Variants in ALK observed in about 807,000 individuals in gnomAD.
ALK encodes ALK tyrosine kinase receptor.
A neutral mutation model predicts 163.1 loss-of-function variants in ALK; 74 were observed. That is an observed-to-expected ratio of 0.45 (90% CI 0.38 to 0.55). The LOEUF (loss-of-function observed/expected upper bound fraction) is 0.55. Among genes scored for constraint, ALK ranks in the 20% least tolerant of loss-of-function variants. ALK has a pLI of 0.00. For missense variants in ALK, 2,063 were observed against 2,105.3 expected (o/e 0.98, Z 0.39); for synonymous variants, 960 against 843.2 (o/e 1.14, Z -2.40).
chr2:29,663,238 T>A (rs1270599803), intron 3 of ALK, among the ~76,000 whole-genome samples: 1 of 152,206 alleles, frequency 6.6e-6, no homozygotes, highest in Non-Finnish European at 1.5e-5. Flanking sequence ...AATGACCTAG[T>A]AATTATGTCT....
chr2:29,540,579 TG>T (rs1426370684), intron 3 of ALK, among the ~76,000 whole-genome samples: 18 of 106,502 alleles, frequency 1.7e-4, no homozygotes, highest in African/African-American at 7.1e-4. Context: ...AGAAGAATTA[TG>T]TTTTTTTTTT....
intron 3 of ALK, 90 bp downstream of exon 3, chr2:29,694,760 C>A (rs534490589): frequency 3.3e-6 from 5 of 1,518,142 alleles, no homozygotes; most frequent in East Asian, 4.5e-5. Flanking sequence ...CAGAGCAGAA[C>A]AGGAGTGAAG....
intron 1 of ALK, among the ~76,000 whole-genome samples, chr2:29,740,081 T>C (rs1680010721): frequency 6.6e-6 from 1 of 152,086 alleles, no homozygotes; most frequent in Non-Finnish European, 1.5e-5. Flanking sequence ...CATTCCCTAG[T>C]TTAGTAGAAC....
chr2:29,578,440 C>T (rs925411653), intron 3 of ALK, among the ~76,000 whole-genome samples: 5 of 152,210 alleles, frequency 3.3e-5, no homozygotes, highest in Non-Finnish European at 7.3e-5. Context: ...GTCTGGACAC[C>T]TGACTCCAGG....
At chr2:29,885,197 T>C (rs1311189818) in intron 1 of ALK, among the ~76,000 whole-genome samples, 1 of 152,186 alleles carries the variant, frequency 6.6e-6, no homozygotes, top group African/African-American at 2.4e-5. Context: ...ATAATGCCCC[T>C]TGTTGCCCAG....
intron 4 of ALK, 45 bp from the exon 5 acceptor site, chr2:29,383,904 T>C (rs375441392): frequency 6.2e-7 from 1 of 1,613,004 alleles, no homozygotes; most frequent in Non-Finnish European, 8.5e-7. Flanking sequence ...GAGAAACAGA[T>C]ATGAGAATTA....
chr2:29,435,192 A>T lies in ALK; in HGVS notation c.1155-51333T>A, dbSNP rs145077740. Reference sequence around the variant, plus strand: ...ACGAAGGAAGCAAAGAGTCTCTACTACTTGTCATTCATTCATTAAACAAAA... The same window carrying T: ...ACGAAGGAAGCAAAGAGTCTCTACTTCTTGTCATTCATTCATTAAACAAAA... On this transcript the variant is annotated intron_variant, in intron 4 of 28. Transcript: ENST00000389048. 3.7e-3 allele frequency among the ~76,000 whole-genome samples: 568 copies of T among 152,260 alleles called. 3 individuals are homozygous for T. Among genetic ancestry groups the T allele is most frequent in the African/African-American group, 0.013 (540 of 41,552 alleles).
At position 29,379,172 on chromosome 2, in the gene ALK, A is replaced by G. The variant is rs568701171; in HGVS notation, c.1282+4560T>C. 9.9e-5 allele frequency among the ~76,000 whole-genome samples: 15 copies of G among 152,234 alleles called. No individual in the cohort carries two copies. In the East Asian group the frequency reaches 2.9e-3, roughly 30 times the overall value. ...AAGAAAGGTTTTTGTGAATGGGCTA[A>G]GGGTTCCCTGGGAGCCCAGGCATGG... On this transcript the variant is annotated intron_variant, in intron 5 of 28. Coordinates refer to ENST00000389048, the MANE Select transcript of ALK (RefSeq NM_004304.5).
chr2:29,733,044 CA>C (rs1259305146), intron 1 of ALK, among the ~76,000 whole-genome samples: 3 of 152,028 alleles, frequency 2.0e-5, no homozygotes, highest in African/African-American at 7.2e-5. Flanking sequence ...AGCAGCCTTC[CA>C]GGGGGTTGGA....
intron 1 of ALK, among the ~76,000 whole-genome samples, chr2:29,802,098 C>T (rs1031089188): frequency 6.6e-6 from 1 of 152,078 alleles, no homozygotes; most frequent in African/African-American, 2.4e-5. Flanking sequence ...AAAACAAAAT[C>T]TCCCAAAACT....
intron 1 of ALK, among the ~76,000 whole-genome samples, chr2:29,912,388 T>C (rs1238505334): frequency 6.6e-6 from 1 of 152,070 alleles, no homozygotes; most frequent in African/African-American, 2.4e-5. Flanking sequence ...AGATTGCTCA[T>C]CACAAACTAT....
At chr2:29,880,143 A>G (rs920620608) in intron 1 of ALK, among the ~76,000 whole-genome samples, 1 of 152,228 alleles carries the variant, frequency 6.6e-6, no homozygotes, top group Admixed American at 6.5e-5. Flanking sequence ...TGTCTGCCTC[A>G]TTAATGACAA....
chr2:29,615,175 A>G (rs1243260653), intron 3 of ALK, among the ~76,000 whole-genome samples: 1 of 152,070 alleles, frequency 6.6e-6, no homozygotes, highest in Non-Finnish European at 1.5e-5. Flanking sequence ...GACTTTAAGG[A>G]TGCTGTTCCC....
chr2:29,842,078 T>TC (rs1241380625), intron 1 of ALK, among the ~76,000 whole-genome samples: 1 of 151,738 alleles, frequency 6.6e-6, no homozygotes, highest in African/African-American at 2.4e-5. Flanking sequence ...CCCCCCTCCT[T>TC]CCTTCCCTCC....
At position 29,197,628 on chromosome 2, in the gene ALK, T is replaced by C; in HGVS notation, c.3987A>G (p.Pro1329=). The change falls in exon 27 of 29, where the codon CCA becomes CCG. Residue 1329 remains proline (P), a synonymous_variant. Coordinates refer to ENST00000389048, the MANE Select transcript of ALK (RefSeq NM_004304.5). ...CTTCCTGGTTGCTTTTGCTGGGGTA[T>C]GGCATATATCCAAGAGAAAAGATTT... ...LWEIFSLGYM[P]YPSKSNQEVL... The C allele has an allele frequency of 3.7e-6, 6 of 1,614,050 alleles. No individual in the cohort carries two copies. The highest frequency in any genetic ancestry group is 5.1e-6 in the Non-Finnish European group (6 of 1,180,028).
At chr2:29,204,721 C>G (rs533999200) in intron 26 of ALK, among the ~76,000 whole-genome samples, 5 of 152,208 alleles carry the variant, frequency 3.3e-5, no homozygotes, top group Non-Finnish European at 7.3e-5. Context: ...TCCTGAGTAG[C>G]TGGGTTTACA....
intron 3 of ALK, among the ~76,000 whole-genome samples, chr2:29,578,643 CTT>C (rs1674592473): frequency 6.6e-6 from 1 of 152,224 alleles, no homozygotes; most frequent in Non-Finnish European, 1.5e-5. Flanking sequence ...TACCCTGTCT[CTT>C]TCTTTCTTGC....
At chr2:29,695,936 C>T (rs754362867) in intron 2 of ALK, among the ~76,000 whole-genome samples, 32 of 152,166 alleles carry the variant, frequency 2.1e-4, no homozygotes, top group Non-Finnish European at 4.4e-4. Context: ...TTAGTTCAAC[C>T]ATTGTGGAAG....
chr2:29,363,929 TAGG>T (rs1190847186), intron 5 of ALK, among the ~76,000 whole-genome samples: 1 of 152,216 alleles, frequency 6.6e-6, no homozygotes, highest in Non-Finnish European at 1.5e-5. Context: ...TCCCCTTTTC[TAGG>T]AGACTTCTTT....
Sources: gnomAD v4.1 joint callset for allele counts (sites outside exome capture counted in the v4.1 genomes callset) on GRCh38, gnomAD v4.1.1 for gene constraint, MANE v1.5 for transcripts, NCBI Gene and HGNC (gene_info 2026-07-23, HGNC 2026-07-21) for gene names.